CSMD1: variants seen among roughly 807,000 people sequenced by gnomAD.
CSMD1 encodes CUB and Sushi multiple domains 1, also known as CUB and sushi domain-containing protein 1.
A neutral mutation model predicts 417.5 loss-of-function variants in CSMD1; 213 were observed. The observed-to-expected ratio is 0.51, with a 90% CI of 0.46 to 0.57. The LOEUF is 0.57. CSMD1 is among the 20% of genes least tolerant of loss of function. CSMD1 has a pLI of 0.00. For missense variants in CSMD1, 6,923 were observed against 4,529.7 expected (o/e 1.53, Z -15.17); for synonymous variants, 2,862 against 1,736.8 (o/e 1.65, Z -16.11).
chr8:3,526,539 G>C (rs76682625), intron 10 of CSMD1, among the ~76,000 whole-genome samples: 2,520 of 152,226 alleles, frequency 0.017, 75 homozygotes, highest in African/African-American at 0.057. Context: ...CCCAGGAATG[G>C]GAACGGCCCC....
At chr8:4,537,987 A>T (rs1190016904) in intron 2 of CSMD1, among the ~76,000 whole-genome samples, 1 of 152,174 alleles carries the variant, frequency 6.6e-6, no homozygotes, top group Non-Finnish European at 1.5e-5. Context: ...AAAACCAGAC[A>T]CCATGCTCTG....
rs1018544058 is a variant in CSMD1, at chr8:3,996,628, A to T, written c.818+1275T>A. Among the ~76,000 whole-genome samples, 36 of 152,220 alleles carry T rather than the reference A, an allele frequency of 2.4e-4. 3 individuals carry two copies. Among genetic ancestry groups the T allele is most frequent in the Admixed American group, 1.8e-3 (28 of 15,276 alleles). ...AATTTAAACAAATTCCTGAGTGTTT[A>T]AAGTTAAAGTCATACAACCTACATT... On this transcript the variant is annotated intron_variant, in intron 5 of 69. Coordinates refer to ENST00000635120, the MANE Select transcript of CSMD1 (RefSeq NM_033225.6).
chr8:4,724,841 A>T lies in CSMD1; in HGVS notation c.86-87283T>A, dbSNP rs540009559. On this transcript the variant is annotated intron_variant, in intron 1 of 69. Transcript: ENST00000635120. ...AAGTTGAATATAGCCTGTATGTTTAAATTTGAAATCTGACGGAAGTATACT... is the reference window on the plus strand; with the variant it reads ...AAGTTGAATATAGCCTGTATGTTTATATTTGAAATCTGACGGAAGTATACT... Among the ~76,000 whole-genome samples, 7 of 152,208 alleles carry T rather than the reference A, an allele frequency of 4.6e-5. No individual in the cohort carries two copies. The South Asian group carries it at 1.4e-3, about 32-fold the overall frequency.
intron 18 of CSMD1, among the ~76,000 whole-genome samples, chr8:3,372,668 G>C (rs181966415): frequency 4.6e-5 from 7 of 152,298 alleles, no homozygotes; most frequent in African/African-American, 1.7e-4. Context: ...GGAGATCTCA[G>C]GAGAACCAGG....
intron 3 of CSMD1, among the ~76,000 whole-genome samples, chr8:4,087,004 T>G (rs1489350285): frequency 6.6e-6 from 1 of 152,180 alleles, no homozygotes; most frequent in African/African-American, 2.4e-5. Flanking sequence ...AAAATGGGGA[T>G]AACGCTATGT....
At chr8:4,585,742 T>G (rs1483188076) in intron 2 of CSMD1, among the ~76,000 whole-genome samples, 1 of 152,134 alleles carries the variant, frequency 6.6e-6, no homozygotes, top group African/African-American at 2.4e-5. Context: ...ATGACCAACA[T>G]AGAGCTCTAT....
intron 7 of CSMD1, among the ~76,000 whole-genome samples, chr8:3,693,976 ATGTG>A (rs1411089720): frequency 2.8e-5 from 4 of 143,528 alleles, no homozygotes; most frequent in African/African-American, 1.0e-4. Flanking sequence ...TGTGTTGGGT[ATGTG>A]TGTTGTTAGT....
chr8:3,343,565 G>A (rs866105130), intron 22 of CSMD1, 115 bp from the exon 23 acceptor site: 3 of 851,006 alleles, frequency 3.5e-6, no homozygotes, highest in South Asian at 2.1e-5. Flanking sequence ...ACTTAAAAAG[G>A]CATATAGTTT....
chr8:3,655,081 C>A (rs1179279293), intron 7 of CSMD1, among the ~76,000 whole-genome samples: 2 of 152,068 alleles, frequency 1.3e-5, no homozygotes, highest in African/African-American at 2.4e-5. Flanking sequence ...GTTTTTTAAC[C>A]AATTTATTTT....
At chr8:4,015,464 C>T (rs999753435) in intron 4 of CSMD1, among the ~76,000 whole-genome samples, 8 of 151,950 alleles carry the variant, frequency 5.3e-5, no homozygotes, top group Non-Finnish European at 1.2e-4. Context: ...AGTCACATTA[C>T]GTAAGGCTTA....
At chr8:4,142,476 T>C (rs1012936996) in intron 3 of CSMD1, among the ~76,000 whole-genome samples, 2 of 151,314 alleles carry the variant, frequency 1.3e-5, no homozygotes, top group African/African-American at 4.9e-5. Flanking sequence ...TACCTTGTTA[T>C]TTGCTAAATT....
chr8:4,690,293 A>T, intron 1 of CSMD1, among the ~76,000 whole-genome samples: 1 of 152,222 alleles, frequency 6.6e-6, no homozygotes, highest in East Asian at 1.9e-4. Flanking sequence ...ACGACCTAAC[A>T]GTTTAGTGAC....
intron 10 of CSMD1, among the ~76,000 whole-genome samples, chr8:3,530,703 G>C (rs545851445): frequency 6.6e-6 from 1 of 151,940 alleles, no homozygotes; most frequent in East Asian, 1.9e-4. Context: ...GCTAATTTTT[G>C]TATTTTTAGT....
intron 3 of CSMD1, among the ~76,000 whole-genome samples, chr8:4,363,756 T>C (rs1156442847): frequency 6.6e-6 from 1 of 152,220 alleles, no homozygotes; most frequent in African/African-American, 2.4e-5. Context: ...GATCTCATTT[T>C]TCATGGCTGA....
At chr8:3,526,882 C>T (rs577371316) in intron 10 of CSMD1, among the ~76,000 whole-genome samples, 2 of 152,264 alleles carry the variant, frequency 1.3e-5, no homozygotes, top group East Asian at 1.9e-4. Flanking sequence ...AGGTAAAGTG[C>T]TAGTAATTCA....
intron 1 of CSMD1, among the ~76,000 whole-genome samples, chr8:4,788,922 A>T (rs1054779174): frequency 6.6e-6 from 1 of 152,174 alleles, no homozygotes; most frequent in Admixed American, 6.5e-5. Flanking sequence ...TTGGCAGCAT[A>T]TGAGAAGGAC....
chr8:3,550,621 C>A (rs546454133), intron 10 of CSMD1, among the ~76,000 whole-genome samples: 1 of 152,252 alleles, frequency 6.6e-6, no homozygotes, highest in Non-Finnish European at 1.5e-5. Flanking sequence ...CAGTCTCCAC[C>A]CCTTTGCCTA....
At chr8:4,148,276 C>A (rs975330992) in intron 3 of CSMD1, among the ~76,000 whole-genome samples, 1 of 148,624 alleles carries the variant, frequency 6.7e-6, no homozygotes, top group Non-Finnish European at 1.5e-5. Flanking sequence ...GGACAAAAAA[C>A]CAAACACCAC....
At chr8:3,524,333 A>C (rs1339401548) in intron 10 of CSMD1, among the ~76,000 whole-genome samples, 6 of 151,982 alleles carry the variant, frequency 3.9e-5, no homozygotes, top group Admixed American at 2.0e-4. Context: ...AAACATGCAC[A>C]CACACATGCA....
Sources: allele counts gnomAD v4.1 joint callset (sites outside exome capture counted in the v4.1 genomes callset), GRCh38; gene constraint gnomAD v4.1.1; transcripts MANE v1.5; gene names NCBI Gene and HGNC (gene_info 2026-07-23, HGNC 2026-07-21).